Variants in PROSER1 observed in about 807,000 individuals in gnomAD.
PROSER1 encodes the protein proline and serine-rich protein 1.
A neutral mutation model predicts 71.8 loss-of-function variants in PROSER1; 36 were observed. The ratio of observed to expected loss-of-function variants is 0.50; its 90% CI spans 0.38 to 0.66. The LOEUF (loss-of-function observed/expected upper bound fraction) is 0.66, where lower values mean the gene tolerates loss of function less well. Among genes scored for constraint, PROSER1 ranks in the 30% least tolerant of loss-of-function variants. PROSER1 has a pLI of 0.00. For synonymous variants in PROSER1, 490 were observed against 452.4 expected (o/e 1.08, Z -1.06); for missense variants, 1,107 against 1,135.0 (o/e 0.98, Z 0.35).
At chr13:39,028,432 G>A in intron 4 of PROSER1, 112 bp from the exon 5 acceptor site, 2 of 513,262 alleles carry the variant, frequency 3.9e-6, no homozygotes, top group South Asian at 3.2e-5. Context: ...ATGACATAGG[G>A]AGAAAAGTGT....
intron 2 of PROSER1, among the ~76,000 whole-genome samples, chr13:39,033,058 T>C (rs1479262417): frequency 6.6e-6 from 1 of 152,148 alleles, no homozygotes; most frequent in Non-Finnish European, 1.5e-5. Flanking sequence ...ACAGCTGGGA[T>C]TACAGGCACC....
chr13:39,019,408 TG>T, intron 9 of PROSER1, among the ~76,000 whole-genome samples: 1 of 147,146 alleles, frequency 6.8e-6, no homozygotes, highest in East Asian at 2.0e-4. Context: ...CCCAGCTATT[TG>T]GGAGGCTGAG....
chr13:39,014,290 G>A lies in PROSER1; in HGVS notation c.962C>T (p.Ser321Phe), dbSNP rs569141102. 3 of 1,614,104 alleles carry A rather than the reference G, an allele frequency of 1.9e-6. No individual in the cohort carries two copies. The highest frequency in any genetic ancestry group is 1.7e-5 in the Admixed American group (1 of 60,028). Residue 321 changes from serine (S) to phenylalanine (F), a missense_variant, in exon 11 of 13, where the codon TCC (serine) becomes TTC (phenylalanine). Coordinates refer to ENST00000352251, the MANE Select transcript of PROSER1 (RefSeq NM_025138.5). ...TGGCTGAGGTGTGTGAACGGCTGAG[G>A]AGACCTGCCCTGGGAACACAGGAAG... ...TVLPVFPGQV[S>F]SAVHTPQPSI... is the part of the protein sequence containing the mutation.
At chr13:39,025,210 T>C (rs992086447) in intron 6 of PROSER1, among the ~76,000 whole-genome samples, 6 of 152,182 alleles carry the variant, frequency 3.9e-5, no homozygotes, top group Admixed American at 3.9e-4. Context: ...TGATTATTTA[T>C]ATTGTCAAGG....
At chr13:39,022,540 A>G in intron 8 of PROSER1, 128 bp from the exon 9 acceptor site, 1 of 626,470 alleles carries the variant, frequency 1.6e-6, no homozygotes, top group Non-Finnish European at 2.8e-6. Context: ...CCTATTTAAT[A>G]CAGTTGATTT....
Position 39,037,839 on chromosome 13 carries a change from G to T in PROSER1, c.-597C>A, listed in dbSNP as rs749115267. On this transcript the variant is annotated 5_prime_UTR_variant, in exon 1 of 13. Transcript: ENST00000352251. ...GGATACCTCGGCCCCGGCAGCAGGC[G>T]GCCCGGCAGGCTCTTTGTTACCAGC... is the stretch of plus-strand genomic sequence containing the variant. The T allele has an allele frequency of 2.0e-5, 3 of 152,288 alleles. No homozygotes were observed. Among genetic ancestry groups the T allele is most frequent in the Non-Finnish European group, 4.4e-5 (3 of 68,132 alleles). The allele number at this position is 152,288 out of a possible 1,614,324, so 9.4% of individuals were successfully genotyped here.
chr13:39,024,771 G>T (rs1164528394), intron 6 of PROSER1, among the ~76,000 whole-genome samples: 1 of 152,046 alleles, frequency 6.6e-6, no homozygotes, highest in South Asian at 2.1e-4. Context: ...ACATGCAAAG[G>T]TACTCAGAAG....
intron 4 of PROSER1, chr13:39,028,970 AT>A: frequency 5.3e-6 from 1 of 187,616 alleles, no homozygotes; most frequent in Non-Finnish European, 1.1e-5. Flanking sequence ...AAAAAAAAAA[AT>A]TATTGTGTCA....
chr13:39,037,442 C>A lies in PROSER1; in HGVS notation c.-200G>T, dbSNP rs900168921. On this transcript the variant is annotated 5_prime_UTR_variant, in exon 1 of 13. Coordinates refer to ENST00000352251, the MANE Select transcript of PROSER1 (RefSeq NM_025138.5). ...CTAAAAATTGAGATTCAGAAAAACT[C>A]TTTTTATTAAAAAGAAAAAACACTC... 10 of 568,672 alleles carry A rather than the reference C, an allele frequency of 1.8e-5. No homozygotes were observed. The highest frequency in any genetic ancestry group is 2.8e-5 in the Non-Finnish European group (9 of 321,196). The allele number at this position is 568,672 out of a possible 1,614,324, so 35.2% of individuals were successfully genotyped here.
rs781386785 is a variant in PROSER1 at position 39,028,302 on chromosome 13, C to T, written c.294G>A (p.Gln98=). 1.9e-6 allele frequency: 3 copies of T among 1,593,506 alleles called. No individual in the cohort carries two copies. The highest frequency in any genetic ancestry group is 8.6e-7 in the Non-Finnish European group (1 of 1,162,280). ...ATAAATCTTCAATAGGACGAGAATTCTGTGCATCAATAATGTTCCTACCAA... is the reference window on the plus strand; with the variant it reads ...ATAAATCTTCAATAGGACGAGAATTTTGTGCATCAATAATGTTCCTACCAA... The part of the protein sequence containing the change: ...ELLASNIIDA[Q]NSRPIEDLFR... Residue 98 remains glutamine (Q), a synonymous_variant, in exon 5 of 13, where the codon CAG becomes CAA. Transcript: ENST00000352251.
At chr13:39,034,836 G>A (rs1457880880) in intron 1 of PROSER1, among the ~76,000 whole-genome samples, 1 of 152,198 alleles carries the variant, frequency 6.6e-6, no homozygotes. Flanking sequence ...CTATAATAGT[G>A]GACATTAGAT....
In PROSER1 at chr13:39,014,236, G is replaced by C; in HGVS notation, c.1016C>G (p.Thr339Ser). Residue 339 changes from threonine (T) to serine (S), a missense_variant, in exon 11 of 13, where the codon ACC becomes AGC. By Grantham distance (58) the Thr-to-Ser change is moderately conservative. Coordinates refer to ENST00000352251, the MANE Select transcript of PROSER1 (RefSeq NM_025138.5). ...PSIPNPTVIR[T>S]PSLPTAPVTS... is the part of the protein sequence containing the mutation. ...AACAGGTGCAGTGGGCAATGAAGGG[G>C]TTCTGATAACTGTTGGGTTTGGTAT... 6.2e-7 allele frequency: 1 copy of C among 1,614,162 alleles called. No individual in the cohort carries two copies. The highest frequency in any genetic ancestry group is 1.1e-5 in the South Asian group (1 of 91,080).
At position 39,013,496 on chromosome 13, in the gene PROSER1, G is replaced by T; in HGVS notation, c.1756C>A (p.His586Asn). ...GSSASLLRGP[H>N]PGTSDLHISS... ...ATATGCAGATCTGAGGTACCTGGGT[G>T]GGGGCCACGCAAAAGGGAGGCTGAG... The change falls in exon 11 of 13, where the codon CAC becomes AAC. Residue 586 changes from histidine to asparagine, a missense_variant. His to Asn is a moderately conservative substitution (Grantham distance 68, BLOSUM62 1). Transcript: ENST00000352251. 6.2e-7 allele frequency: 1 copy of T among 1,614,106 alleles called. No individual in the cohort carries two copies. Among genetic ancestry groups the T allele is most frequent in the Non-Finnish European group, 8.5e-7 (1 of 1,180,022 alleles).
intron 9 of PROSER1, among the ~76,000 whole-genome samples, chr13:39,018,864 C>A (rs1453796421): frequency 2.0e-5 from 3 of 151,954 alleles, no homozygotes; most frequent in Non-Finnish European, 4.4e-5. Flanking sequence ...TTACAGAATG[C>A]CAGAAAAGAT....
At chr13:39,029,686 T>C (rs1032082430) in intron 3 of PROSER1, among the ~76,000 whole-genome samples, 1 of 152,148 alleles carries the variant, frequency 6.6e-6, no homozygotes, top group African/African-American at 2.4e-5. Context: ...AGAAAGGTTA[T>C]ATAAAAAGGT....
chr13:39,035,692 A>G (rs1228144266), intron 1 of PROSER1, among the ~76,000 whole-genome samples: 2 of 152,168 alleles, frequency 1.3e-5, no homozygotes, highest in Non-Finnish European at 2.9e-5. Flanking sequence ...AAATGACAGT[A>G]GTGACAATCA....
At chr13:39,020,538 AT>A (rs1197988659) in intron 9 of PROSER1, among the ~76,000 whole-genome samples, 2 of 152,176 alleles carry the variant, frequency 1.3e-5, no homozygotes, top group Admixed American at 1.3e-4. Flanking sequence ...TAATAATAAA[AT>A]AACTACAGTG....
At position 39,012,991 on chromosome 13, in the gene PROSER1, G is replaced by A. The variant is rs772685672; in HGVS notation, c.2261C>T (p.Ser754Leu). The change falls in exon 11 of 13, where the codon TCA (serine) becomes TTA (leucine). Residue 754 changes from serine to leucine, a missense_variant. Ser to Leu is a moderately radical substitution (Grantham distance 145). Coordinates refer to ENST00000352251, the MANE Select transcript of PROSER1 (RefSeq NM_025138.5). ...GAAAGGTGCTGCTGAGACTGGTGCT[G>A]AAGCAGAAAGCCCTGAGAGAACAGC... ...TAAVLSGLSASAPVSAAPFPL... is the reference protein window; with the variant it reads ...TAAVLSGLSALAPVSAAPFPL... 13 of 1,614,186 alleles carry A rather than the reference G, an allele frequency of 8.1e-6. No homozygotes were observed. Among genetic ancestry groups the A allele is most frequent in the Non-Finnish European group, 1.0e-5 (12 of 1,180,040 alleles).
intron 9 of PROSER1, among the ~76,000 whole-genome samples, chr13:39,019,356 A>G (rs150287658): frequency 0.015 from 2,318 of 150,680 alleles, 62 homozygotes; most frequent in African/African-American, 0.054. Context: ...ACAAAAAAAA[A>G]AAAAAAGAAA....
Sources: allele counts gnomAD v4.1 joint callset (sites outside exome capture counted in the v4.1 genomes callset), GRCh38; gene constraint gnomAD v4.1.1; transcripts MANE v1.5; gene names NCBI Gene and HGNC (gene_info 2026-07-23, HGNC 2026-07-21).